The following OXR1 variants were observed in gnomAD, a reference collection of about 807,000 sequenced individuals.
OXR1 encodes the protein oxidation resistance protein 1.
In OXR1, 41 loss-of-function variants were observed where a neutral mutation model predicts 104.6. That is an observed-to-expected ratio of 0.39 (90% CI 0.31 to 0.51). The LOEUF (loss-of-function observed/expected upper bound fraction) is 0.51, where lower values mean the gene tolerates loss of function less well. OXR1 is among the 20% of genes least tolerant of loss of function. The pLI, the probability that OXR1 is intolerant of heterozygous loss-of-function variation, is 0.77. For synonymous variants in OXR1, 348 were observed against 348.4 expected, an observed-to-expected ratio of 1.00 and a Z score of 0.01; for missense variants, 955 against 1,031.9, an observed-to-expected ratio of 0.93 and a Z score of 1.02.
At chr8:106,372,360 G>C (rs1816745931) in intron 2 of OXR1, among the ~76,000 whole-genome samples, 1 of 152,066 alleles carries the variant, frequency 6.6e-6, no homozygotes, top group East Asian at 1.9e-4. Flanking sequence ...TTTGATGAGA[G>C]AACCTGGATA....
At chr8:106,298,829 C>A (rs1813112804) in intron 1 of OXR1, among the ~76,000 whole-genome samples, 1 of 152,038 alleles carries the variant, frequency 6.6e-6, no homozygotes, top group Non-Finnish European at 1.5e-5. Context: ...AAGGATAAAA[C>A]CTTTACTAAT....
intron 4 of OXR1, among the ~76,000 whole-genome samples, chr8:106,680,993 T>A (rs1028545031): frequency 1.3e-5 from 2 of 152,204 alleles, no homozygotes; most frequent in Non-Finnish European, 2.9e-5. Context: ...ATGTCTTCTC[T>A]TGAGTCTTAG....
intron 1 of OXR1, among the ~76,000 whole-genome samples, chr8:106,296,552 C>A (rs1027601006): frequency 1.3e-5 from 2 of 152,172 alleles, no homozygotes; most frequent in African/African-American, 4.8e-5. Context: ...TTCCTCATTT[C>A]TTAGCACCAC....
intron 3 of OXR1, among the ~76,000 whole-genome samples, chr8:106,640,537 G>A (rs1046117858): frequency 1.3e-5 from 2 of 151,872 alleles, no homozygotes; most frequent in African/African-American, 4.8e-5. Context: ...CTCTTCTTTT[G>A]AGGAGAAAGT....
At chr8:106,471,073 G>A (rs1232564917) in intron 2 of OXR1, among the ~76,000 whole-genome samples, 1 of 151,596 alleles carries the variant, frequency 6.6e-6, no homozygotes, top group Non-Finnish European at 1.5e-5. Context: ...TGGCAAAGGA[G>A]GCACAGAAAT....
chr8:106,457,867 G>A (rs775759296), intron 2 of OXR1, among the ~76,000 whole-genome samples: 1 of 152,138 alleles, frequency 6.6e-6, no homozygotes, highest in African/African-American at 2.4e-5. Context: ...GAATTGAAGA[G>A]CAATAAACTA....
At chr8:106,474,865 A>G (rs540126495) in intron 2 of OXR1, among the ~76,000 whole-genome samples, 37 of 152,070 alleles carry the variant, frequency 2.4e-4, no homozygotes, top group African/African-American at 8.4e-4. Flanking sequence ...TAGAATTTTT[A>G]TAAGAGAATG....
At chr8:106,707,832 T>C (rs1238109191) in intron 9 of OXR1, 1 of 152,290 alleles carries the variant, frequency 6.6e-6, no homozygotes, top group Admixed American at 6.5e-5. Flanking sequence ...TCTATTAGAA[T>C]GTTTATCCCA....
intron 2 of OXR1, among the ~76,000 whole-genome samples, chr8:106,490,745 G>A (rs1363047786): frequency 6.6e-6 from 1 of 152,058 alleles, no homozygotes; most frequent in Non-Finnish European, 1.5e-5. Context: ...AAATGTAAGT[G>A]GGCAAGCACC....
rs766451533 is a variant in OXR1, at chr8:106,742,227, T to C, written c.2322T>C (p.Phe774=). The C allele has an allele frequency of 6.3e-6, 10 of 1,589,544 alleles. No homozygotes were observed. The highest frequency in any genetic ancestry group is 7.8e-6 in the Non-Finnish European group (9 of 1,158,436). ...MVIKDSDGQV[F]GALASEPLKV... is the part of the protein sequence containing the mutation. ...TATGCCTTTTTTATCCTTAGGTTTT[T>C]GGTGCGTTAGCATCTGAGCCACTGA... Residue 774 remains phenylalanine, a synonymous_variant, in exon 15 of 17, where the codon TTT becomes TTC. Coordinates refer to ENST00000517566, the MANE Select transcript of OXR1 (RefSeq NM_001198533.2).
At chr8:106,678,271 G>A (rs1390900545) in intron 3 of OXR1, among the ~76,000 whole-genome samples, 1 of 151,964 alleles carries the variant, frequency 6.6e-6, no homozygotes, top group Non-Finnish European at 1.5e-5. Flanking sequence ...TGGTCAAAAT[G>A]CCATTTAAGT....
chr8:106,742,078 C>T, intron 14 of OXR1, 144 bp from the exon 15 acceptor site: 2 of 578,950 alleles, frequency 3.5e-6, no homozygotes, highest in South Asian at 2.1e-5. Context: ...TAGCAGCTAA[C>T]CATTTTTCCC....
intron 2 of OXR1, among the ~76,000 whole-genome samples, chr8:106,485,926 A>G (rs548224383): frequency 4.1e-4 from 63 of 151,836 alleles, no homozygotes; most frequent in African/African-American, 1.5e-3. Context: ...AGGAGCAGAG[A>G]AAAGAATGGT....
At chr8:106,357,465 T>C (rs921171129) in intron 1 of OXR1, among the ~76,000 whole-genome samples, 2 of 152,150 alleles carry the variant, frequency 1.3e-5, no homozygotes, top group African/African-American at 2.4e-5. Context: ...AGGCCAATAT[T>C]ATTATTCTGG....
At chr8:106,410,378 A>G (rs1818412944) in intron 2 of OXR1, among the ~76,000 whole-genome samples, 1 of 152,154 alleles carries the variant, frequency 6.6e-6, no homozygotes, top group African/African-American at 2.4e-5. Flanking sequence ...ATTATTAAGT[A>G]TCTTTTATAT....
At chr8:106,719,443 G>A (rs1262370476) in intron 11 of OXR1, among the ~76,000 whole-genome samples, 3 of 152,134 alleles carry the variant, frequency 2.0e-5, no homozygotes, top group African/African-American at 7.2e-5. Context: ...ATTGTTCATA[G>A]TTATTCAAAT....
intron 2 of OXR1, among the ~76,000 whole-genome samples, chr8:106,379,469 GA>G (rs1462394642): frequency 6.6e-6 from 1 of 151,118 alleles, no homozygotes; most frequent in Non-Finnish European, 1.5e-5. Flanking sequence ...ATAAACACTG[GA>G]CCAATTTTTT....
intron 2 of OXR1, among the ~76,000 whole-genome samples, chr8:106,454,460 CAAA>C: frequency 1.6e-5 from 1 of 63,654 alleles, no homozygotes; most frequent in Non-Finnish European, 3.4e-5. Context: ...GACTCTGTCT[CAAA>C]AAAAAAAAAA....
At chr8:106,719,607 C>T (rs565743155) in intron 11 of OXR1, among the ~76,000 whole-genome samples, 7 of 151,978 alleles carry the variant, frequency 4.6e-5, no homozygotes, top group Non-Finnish European at 1.0e-4. Flanking sequence ...CATTGCTTTG[C>T]TTTGCTTTTT....
Sources: gnomAD v4.1 joint callset for allele counts (sites outside exome capture counted in the v4.1 genomes callset) on GRCh38, gnomAD v4.1.1 for gene constraint, MANE v1.5 for transcripts, NCBI Gene and HGNC (gene_info 2026-07-23, HGNC 2026-07-21) for gene names.